MORC4: variants seen among roughly 807,000 people sequenced by gnomAD.
The protein encoded by MORC4 is MORC family CW-type zinc finger protein 4.
MORC4 carries 22 observed loss-of-function variants against 65.5 expected under a neutral mutation model. The observed-to-expected ratio is 0.34, with a 90% CI of 0.24 to 0.48. MORC4 has a LOEUF of 0.48. MORC4 is among the 20% of genes least tolerant of loss of function. The pLI, the probability that MORC4 is intolerant of heterozygous loss-of-function variation, is 0.99. For missense variants in MORC4, 624 were observed against 703.0 expected (o/e 0.89, Z 1.27); for synonymous variants, 267 against 255.8 (o/e 1.04, Z -0.42).
chrX:106,970,014 G>A (rs1464074347), intron 9 of MORC4, among the ~76,000 whole-genome samples: 8 of 111,610 alleles, frequency 7.2e-5, no homozygotes, highest in Non-Finnish European at 1.5e-4. Flanking sequence ...GCCTGGCAGA[G>A]ACACAACAAA....
At chrX:106,971,041 C>A (rs772820849) in intron 9 of MORC4, among the ~76,000 whole-genome samples, 5 of 111,737 alleles carry the variant, frequency 4.5e-5, no homozygotes, top group Non-Finnish European at 1.9e-5. Context: ...AAGCTGGAGG[C>A]ATCACACTAC....
chrX:106,943,467 T>C (rs908796123), intron 14 of MORC4, among the ~76,000 whole-genome samples: 3 of 111,059 alleles, frequency 2.7e-5, no homozygotes, highest in African/African-American at 6.6e-5. Flanking sequence ...TGGTAAGAAT[T>C]CTAAAAATAA....
At chrX:106,999,592 C>G in intron 2 of MORC4, 85 bp downstream of exon 2, 1 of 918,786 alleles carries the variant, frequency 1.1e-6, no homozygotes, top group Non-Finnish European at 1.5e-6. Flanking sequence ...CCCCGCGCGG[C>G]TCTGCGCATT....
At chrX:106,976,764 T>C (rs927228871) in intron 8 of MORC4, 80 bp from the exon 9 acceptor site, 1 of 676,505 alleles carries the variant, frequency 1.5e-6, no homozygotes, top group Non-Finnish European at 2.3e-6. Context: ...CAAACAATAA[T>C]AGAAAGGTTA....
At chrX:106,994,193 G>C (rs750569130) in intron 2 of MORC4, among the ~76,000 whole-genome samples, 74 of 112,281 alleles carry the variant, frequency 6.6e-4, no homozygotes, top group Non-Finnish European at 1.2e-3. Context: ...ACAACCCCAG[G>C]GGGGTGCCAC....
chrX:106,942,100 C>T lies in MORC4; in HGVS notation c.2498G>A (p.Gly833Asp). 8.3e-7 allele frequency: 1 copy of T among 1,211,475 alleles called. No homozygotes were observed. The highest frequency in any genetic ancestry group is 1.1e-6 in the Non-Finnish European group (1 of 895,414). ...AATCTGGAATTCAGCTTGGCGATAA[C>T]CCATGTGTTTCTTGCTCCAGTACAA... is the stretch of plus-strand genomic sequence containing the variant. ...EGLYWSKKHMGYRQAEFQILK... is the reference protein window; with the variant it reads ...EGLYWSKKHMDYRQAEFQILK... Residue 833 changes from glycine to aspartate, a missense_variant, in exon 16 of 17, where the codon GGT becomes GAT. Gly to Asp is a moderately conservative substitution (Grantham distance 94, BLOSUM62 -1). Coordinates refer to ENST00000355610, the MANE Select transcript of MORC4 (RefSeq NM_024657.5).
At chrX:106,958,016 G>A (rs1193015105) in intron 11 of MORC4, among the ~76,000 whole-genome samples, 1 of 112,186 alleles carries the variant, frequency 8.9e-6, no homozygotes, top group Non-Finnish European at 1.9e-5. Flanking sequence ...CAAAACACTT[G>A]CTGCCCAGAT....
At chrX:106,990,797 A>G (rs6523908) in intron 3 of MORC4, among the ~76,000 whole-genome samples, 12,587 of 110,910 alleles carry the variant, frequency 0.11, 1,832 homozygotes, top group African/African-American at 0.39. Context: ...GCGTGAACCC[A>G]GGAGGGGCAG....
chrX:107,000,012 T>A lies in MORC4; in HGVS notation c.-43A>T. On this transcript the variant is annotated 5_prime_UTR_variant, in exon 1 of 17. Coordinates refer to ENST00000355610, the MANE Select transcript of MORC4 (RefSeq NM_024657.5). ...TACCCGTCTGCTGCCGCCGGACCCC[T>A]GGCCCGGCGGTCCGGGACTAGCCCT... 1 of 631,154 alleles carries A rather than the reference T, an allele frequency of 1.6e-6. No homozygotes were observed. 52.0% of individuals were successfully genotyped at this position (631,154 alleles called of 1,213,427 possible).
chrX:106,941,982 C>T lies in MORC4; in HGVS notation c.2616G>A (p.Lys872=), dbSNP rs1933696618. ...ETETHLEMLQ[K]AQVSYRTPEG... Reference sequence around the variant, plus strand: ...CTGGGGTCCGGTAGGAGACCTGAGCCTTCTGCAGCATTTCCAGGTGTGTCT... The same window carrying T: ...CTGGGGTCCGGTAGGAGACCTGAGCTTTCTGCAGCATTTCCAGGTGTGTCT... Residue 872 remains lysine, a synonymous_variant, in exon 16 of 17, where the codon AAG becomes AAA. Coordinates refer to ENST00000355610, the MANE Select transcript of MORC4 (RefSeq NM_024657.5). 1 of 1,208,993 alleles carries T rather than the reference C, an allele frequency of 8.3e-7. No individual in the cohort carries two copies. Among genetic ancestry groups the T allele is most frequent in the Non-Finnish European group, 1.1e-6 (1 of 894,856 alleles).
intron 9 of MORC4, among the ~76,000 whole-genome samples, chrX:106,972,805 G>C (rs954906276): frequency 8.9e-6 from 1 of 112,368 alleles, no homozygotes; most frequent in African/African-American, 3.2e-5. Flanking sequence ...GGGCGTGGTG[G>C]CGCATGCCTG....
chrX:106,988,322 T>C (rs1934913565), intron 3 of MORC4, among the ~76,000 whole-genome samples: 1 of 112,019 alleles, frequency 8.9e-6, no homozygotes, highest in Non-Finnish European at 1.9e-5. Flanking sequence ...TCTTCCACCA[T>C]CTATCACCTC....
At chrX:106,970,585 C>A (rs1030002893) in intron 9 of MORC4, among the ~76,000 whole-genome samples, 2 of 111,870 alleles carry the variant, frequency 1.8e-5, no homozygotes, top group Admixed American at 1.9e-4. Context: ...ATTGTCTCAG[C>A]CCAAAATCTC....
At chrX:106,979,330 AACAAG>A in intron 7 of MORC4, among the ~76,000 whole-genome samples, 1 of 111,115 alleles carries the variant, frequency 9.0e-6, no homozygotes, top group South Asian at 3.8e-4. Flanking sequence ...GCAAAAACAA[AACAAG>A]ACAAAACTCC....
At chrX:106,956,628 C>T in intron 12 of MORC4, 94 bp from the exon 13 acceptor site, 1 of 773,380 alleles carries the variant, frequency 1.3e-6, no homozygotes, top group African/African-American at 2.0e-5. Context: ...AATGTTCCTT[C>T]CAAATTACAA....
chrX:106,970,340 G>A (rs990922368), intron 9 of MORC4, among the ~76,000 whole-genome samples: 2 of 112,135 alleles, frequency 1.8e-5, no homozygotes, highest in Admixed American at 1.9e-4. Context: ...AATAATAGGA[G>A]CTATTTATGA....
chrX:106,983,952 T>C (rs924884068), intron 5 of MORC4, among the ~76,000 whole-genome samples: 1 of 111,546 alleles, frequency 9.0e-6, no homozygotes, highest in African/African-American at 3.3e-5. Context: ...TTTCTCATAC[T>C]TCATTGTCAT....
At chrX:106,993,464 C>T in intron 2 of MORC4, 102 bp from the exon 3 acceptor site, 1 of 865,895 alleles carries the variant, frequency 1.2e-6, no homozygotes, top group African/African-American at 2.0e-5. Context: ...CCTTTATTTC[C>T]TTCATTTGGA....
intron 4 of MORC4, 31 bp from the exon 5 acceptor site, chrX:106,985,274 A>G (rs752970991): frequency 7.7e-6 from 8 of 1,033,744 alleles, no homozygotes; most frequent in East Asian, 6.3e-5. Flanking sequence ...AGAAAAAATA[A>G]TATCTTAGGA....
Sources: allele counts gnomAD v4.1 joint callset (sites outside exome capture counted in the v4.1 genomes callset), GRCh38; gene constraint gnomAD v4.1.1; transcripts MANE v1.5; gene names NCBI Gene and HGNC (gene_info 2026-07-23, HGNC 2026-07-21).